Variants in ZNF600 observed in about 807,000 individuals in gnomAD.
The protein encoded by ZNF600 is zinc finger protein 600.
ZNF600 carries 4 observed loss-of-function variants against 7.3 expected under a neutral mutation model. The ratio of observed to expected loss-of-function variants is 0.55; its 90% CI spans 0.27 to 1.25. ZNF600 has a LOEUF of 1.25. Ranked by LOEUF, ZNF600 falls within the 50% of genes most tolerant of loss-of-function variation. ZNF600 has a pLI of 0.12. For missense variants in ZNF600, 911 were observed against 922.1 expected, an observed-to-expected ratio of 0.99 and a Z score of 0.16; for synonymous variants, 290 against 308.9, an observed-to-expected ratio of 0.94 and a Z score of 0.64.
the ZNF600 span, among the ~76,000 whole-genome samples, chr19:52,820,860 ATTC>A: frequency 1.3e-5 from 2 of 151,836 alleles, no homozygotes; most frequent in Non-Finnish European, 2.9e-5. Context: ...GGTCTTTCTC[ATTC>A]TTCTTTTCTC....
chr19:52,764,931 G>C (rs867302123), exon 4 of ZNF600: 8 of 169,596 alleles, frequency 4.7e-5, no homozygotes, highest in Admixed American at 1.7e-4. Context: ...AAAAGTGGCT[G>C]ACATCTGTTG....
upstream of ZNF600, among the ~76,000 whole-genome samples, chr19:52,789,840 T>C (rs1167153808): frequency 6.6e-6 from 1 of 152,162 alleles, no homozygotes; most frequent in East Asian, 1.9e-4. Context: ...TTATTTCACC[T>C]GGGTGCAGGC....
chr19:52,811,348 C>T, the ZNF600 span, among the ~76,000 whole-genome samples: 10 of 148,200 alleles, frequency 6.7e-5, 2 homozygotes, highest in African/African-American at 2.1e-4. Context: ...TCTGCCTGGC[C>T]GCCCATTGTC....
the ZNF600 span, among the ~76,000 whole-genome samples, chr19:52,825,836 A>G: frequency 6.6e-6 from 1 of 152,056 alleles, no homozygotes; most frequent in South Asian, 2.1e-4. Flanking sequence ...AAATACAAAA[A>G]ACTTATCCAG....
the ZNF600 span, among the ~76,000 whole-genome samples, chr19:52,820,897 C>G: frequency 1.1e-4 from 16 of 152,100 alleles, no homozygotes; most frequent in Middle Eastern, 3.4e-3. Context: ...CTACTGCTCT[C>G]TTAGTCCCTC....
At chr19:52,791,861 T>C in the ZNF600 span, among the ~76,000 whole-genome samples, 1 of 152,210 alleles carries the variant, frequency 6.6e-6, no homozygotes, top group Non-Finnish European at 1.5e-5. Flanking sequence ...GACCCATCCC[T>C]GATCAAACCC....
At chr19:52,800,457 G>C in the ZNF600 span, 1 of 1,613,006 alleles carries the variant, frequency 6.2e-7, no homozygotes, top group East Asian at 2.2e-5. Flanking sequence ...TGGTTTCTCT[G>C]CAGTATGAAG....
At chr19:52,815,863 C>T in the ZNF600 span, among the ~76,000 whole-genome samples, 1 of 146,820 alleles carries the variant, frequency 6.8e-6, no homozygotes, top group African/African-American at 2.6e-5. Context: ...GCCTTGACAA[C>T]GGTGTGATGA....
chr19:52,786,781 C>A, exon 1 of ZNF600: 1 of 289,310 alleles, frequency 3.5e-6, no homozygotes, highest in African/African-American at 4.5e-5. Flanking sequence ...GGTTTGTGCG[C>A]GCCCAGGACT....
At chr19:52,789,907 A>G (rs11670369), upstream of ZNF600, among the ~76,000 whole-genome samples, 66,530 of 151,612 alleles carry the variant, frequency 0.44, 16,211 homozygotes, top group Non-Finnish European at 0.57. Context: ...CCGTTTTATA[A>G]GATTTGGGTA....
chr19:52,816,051 A>G, the ZNF600 span, among the ~76,000 whole-genome samples: 1 of 147,318 alleles, frequency 6.8e-6, no homozygotes, highest in African/African-American at 2.6e-5. Context: ...TCGCTCTGAC[A>G]GCTAACACAG....
At chr19:52,774,942 TA>T (rs570387247) in intron 2 of ZNF600, among the ~76,000 whole-genome samples, 279 of 152,026 alleles carry the variant, frequency 1.8e-3, no homozygotes, top group South Asian at 5.6e-3. Flanking sequence ...AGTATAAAAA[TA>T]AAAAGGAAAC....
chr19:52,766,761 C>A lies in ZNF600; in HGVS notation c.1202G>T (p.Cys401Phe), dbSNP rs112734857. ...TGTGAAAGCTGTGTCACAAACCTTACATTTGTATGGTTTCTCTCCAGTATG... is the reference window on the plus strand; with the variant it reads ...TGTGAAAGCTGTGTCACAAACCTTAAATTTGTATGGTTTCTCTCCAGTATG... Residue 401 changes from cysteine to phenylalanine, a missense_variant, in exon 4 of 4, where the codon TGT becomes TTT. Transcript: ENST00000648973. The A allele has an allele frequency of 8.7e-6, 14 of 1,613,856 alleles. No individual in the cohort carries two copies. The African/African-American group carries it at 9.4e-5, about 11-fold the overall frequency.
the ZNF600 span, among the ~76,000 whole-genome samples, chr19:52,793,738 G>A: frequency 2.7e-3 from 399 of 149,780 alleles, 4 homozygotes; most frequent in African/African-American, 8.6e-3. Context: ...CTGAACTCCA[G>A]CCTGGGTGAG....
At chr19:52,831,726 G>A in the ZNF600 span, among the ~76,000 whole-genome samples, 2 of 151,898 alleles carry the variant, frequency 1.3e-5, no homozygotes, top group Non-Finnish European at 2.9e-5. Flanking sequence ...GGATGGTCTC[G>A]ATCTCCCGAC....
the ZNF600 span, among the ~76,000 whole-genome samples, chr19:52,802,020 A>C: frequency 6.6e-6 from 1 of 152,230 alleles, no homozygotes; most frequent in African/African-American, 2.4e-5. Flanking sequence ...ACACATCACT[A>C]TCACATCAAA....
At chr19:52,810,055 G>C in the ZNF600 span, 13 of 741,396 alleles carry the variant, frequency 1.8e-5, no homozygotes, top group Admixed American at 2.6e-4. Flanking sequence ...CGCGCCCCAT[G>C]CCTGGGAGCT....
At chr19:52,800,215 G>A in the ZNF600 span, 1 of 1,613,104 alleles carries the variant, frequency 6.2e-7, no homozygotes, top group Non-Finnish European at 8.5e-7. Context: ...GCAGTATGAA[G>A]TTTATGATGA....
At chr19:52,828,246 T>A in the ZNF600 span, among the ~76,000 whole-genome samples, 3 of 151,934 alleles carry the variant, frequency 2.0e-5, no homozygotes, top group African/African-American at 7.3e-5. Context: ...GAGATAAGGT[T>A]TCACCATGTA....
Sources: gnomAD v4.1 joint callset for allele counts (sites outside exome capture counted in the v4.1 genomes callset) on GRCh38, gnomAD v4.1.1 for gene constraint, MANE v1.5 for transcripts, NCBI Gene and HGNC (gene_info 2026-07-23, HGNC 2026-07-21) for gene names.